Variants in ARHGAP6 observed in about 807,000 individuals in gnomAD.
The protein encoded by ARHGAP6 is Rho GTPase activating protein 6.
Under a neutral mutation model 55.7 loss-of-function variants are expected in ARHGAP6, and 16 were observed. That is an observed-to-expected ratio of 0.29 (90% CI 0.19 to 0.44). ARHGAP6 has a LOEUF of 0.44. Ranked by LOEUF, ARHGAP6 falls within the 20% of genes least tolerant of loss-of-function variation. ARHGAP6 has a pLI of 1.00. For synonymous variants in ARHGAP6, 382 were observed against 360.9 expected (o/e 1.06, Z -0.66); for missense variants, 698 against 808.9 (o/e 0.86, Z 1.66).
At position 11,138,145 on chromosome X, in the gene ARHGAP6, A is replaced by G. The variant is rs2045570712; in HGVS notation, c.*718T>C. 8.9e-6 allele frequency: 1 copy of G among 112,483 alleles called. No homozygotes were observed. The highest frequency in any genetic ancestry group is 3.2e-5 in the African/African-American group (1 of 30,893). 9.3% of individuals were successfully genotyped at this position (112,483 alleles called of 1,213,427 possible). Reference sequence around the variant, plus strand: ...GGCACTGCCTTTTTCTTGTTTGGTTAACTGAATCCTTTCTAAACAAGTTCT... The same window carrying G: ...GGCACTGCCTTTTTCTTGTTTGGTTGACTGAATCCTTTCTAAACAAGTTCT... On this transcript the variant is annotated 3_prime_UTR_variant, in exon 13 of 13. Transcript: ENST00000337414.
intron 2 of ARHGAP6, among the ~76,000 whole-genome samples, chrX:11,239,765 C>A (rs2047249336): frequency 9.0e-6 from 1 of 111,712 alleles, no homozygotes; most frequent in South Asian, 3.7e-4. Context: ...TTCTGTAAAC[C>A]AAAATATTGT....
intron 1 of ARHGAP6, among the ~76,000 whole-genome samples, chrX:11,320,192 T>C (rs1481821556): frequency 8.9e-6 from 1 of 111,739 alleles, no homozygotes; most frequent in African/African-American, 3.3e-5. Flanking sequence ...TGTTAGCTCA[T>C]GACTGCAGCA....
chrX:11,143,766 T>A, intron 11 of ARHGAP6: 1 of 1,140,986 alleles, frequency 8.8e-7, no homozygotes, highest in Non-Finnish European at 1.2e-6. Context: ...GAGTGTGGCC[T>A]GCAGGGACCC....
chrX:11,208,100 C>T (rs1382138804), intron 2 of ARHGAP6, among the ~76,000 whole-genome samples: 1 of 111,733 alleles, frequency 8.9e-6, no homozygotes, highest in Non-Finnish European at 1.9e-5. Context: ...TCCATTTACC[C>T]TTTCATTAAG....
chrX:11,215,786 G>C (rs1324474138), intron 2 of ARHGAP6, among the ~76,000 whole-genome samples: 1 of 112,606 alleles, frequency 8.9e-6, no homozygotes, highest in Non-Finnish European at 1.9e-5. Flanking sequence ...GGGACGGTTT[G>C]TCTGCTCTCT....
intron 2 of ARHGAP6, among the ~76,000 whole-genome samples, chrX:11,209,230 C>T (rs1052598849): frequency 8.9e-6 from 1 of 112,350 alleles, no homozygotes; most frequent in African/African-American, 3.2e-5. Context: ...CAACCTCTGC[C>T]TCCTGGGTTC....
In ARHGAP6 at chrX:11,137,782, G is replaced by A. The variant is rs2147260298; in HGVS notation, c.*1081C>T. The A allele has an allele frequency of 8.9e-6, 1 of 112,359 alleles. No homozygotes were observed. The highest frequency in any genetic ancestry group is 2.8e-4 in the East Asian group (1 of 3,609). 9.3% of individuals were successfully genotyped at this position (112,359 alleles called of 1,213,427 possible). A position where few individuals can be genotyped will look rare whatever the true frequency, so the allele number is the denominator to read the frequency against. ...AAAAACTTCAAACTACTAAAGTACG[G>A]TAGAACATTTTACAATACACATAAA... is the stretch of plus-strand genomic sequence containing the variant. On this transcript the variant is annotated 3_prime_UTR_variant, in exon 13 of 13. Coordinates refer to ENST00000337414, the MANE Select transcript of ARHGAP6 (RefSeq NM_013427.3).
In ARHGAP6 at chrX:11,381,540, T is replaced by C. The variant is rs79728879; in HGVS notation, c.589-126833A>G. On this transcript the variant is annotated intron_variant, in intron 1 of 12. Transcript: ENST00000337414. ...ACAAAAGTAACCAAGGGGGCTGAGA[T>C]AAAAATCTCAGGCAACACTGGTGAA... 5.6e-4 allele frequency among the ~76,000 whole-genome samples: 63 copies of C among 111,921 alleles called. 1 individual carries two copies. In the East Asian group the frequency reaches 0.017, roughly 31 times the overall value.
rs1457683456 is a variant in ARHGAP6 at position 11,285,795 on chromosome X, TGAAAA to T, written c.589-31093_589-31089del. On this transcript the variant is annotated intron_variant, in intron 1 of 12. Coordinates refer to ENST00000337414, the MANE Select transcript of ARHGAP6 (RefSeq NM_013427.3). ...ACAGCTTCCTTCACTTACACAATTCTGAAAAGAAAAGAGGTCACACTTATATTTTC... is the reference window on the plus strand; with the variant it reads ...ACAGCTTCCTTCACTTACACAATTCTGAAAAGAGGTCACACTTATATTTTC... Among the ~76,000 whole-genome samples the T allele has an allele frequency of 2.7e-5, 3 of 112,453 alleles. No homozygotes were observed. In the South Asian group the frequency reaches 1.1e-3, roughly 41 times the overall value.
intron 1 of ARHGAP6, among the ~76,000 whole-genome samples, chrX:11,450,870 C>T (rs2050137618): frequency 9.0e-6 from 1 of 111,510 alleles, no homozygotes; most frequent in Admixed American, 9.5e-5. Context: ...TGTCTCCAGG[C>T]ATTATCAAAT....
chrX:11,383,608 T>A (rs1299440965), intron 1 of ARHGAP6, among the ~76,000 whole-genome samples: 4 of 111,319 alleles, frequency 3.6e-5, no homozygotes, highest in African/African-American at 1.3e-4. Flanking sequence ...CCTAAATCTA[T>A]AGTCTCAGGT....
chrX:11,266,690 G>A (rs2047631857), intron 1 of ARHGAP6, among the ~76,000 whole-genome samples: 1 of 111,674 alleles, frequency 9.0e-6, no homozygotes, highest in Non-Finnish European at 1.9e-5. Context: ...ATTCCACATG[G>A]CACTGAACCA....
chrX:11,240,623 T>C (rs1474267773), intron 2 of ARHGAP6, among the ~76,000 whole-genome samples: 2 of 111,636 alleles, frequency 1.8e-5, no homozygotes, highest in Non-Finnish European at 3.8e-5. Context: ...CATCCACCCA[T>C]CCACCCTTTG....
chrX:11,355,625 A>C (rs949884361), intron 1 of ARHGAP6, among the ~76,000 whole-genome samples: 1 of 112,222 alleles, frequency 8.9e-6, no homozygotes, highest in African/African-American at 3.2e-5. Flanking sequence ...GGGGATTCTT[A>C]ATACTTAAAG....
chrX:11,277,227 C>G (rs183014626), intron 1 of ARHGAP6, among the ~76,000 whole-genome samples: 7 of 111,927 alleles, frequency 6.3e-5, no homozygotes, highest in Admixed American at 2.8e-4. Context: ...ATTCTTATGG[C>G]AGGATAATAT....
intron 1 of ARHGAP6, among the ~76,000 whole-genome samples, chrX:11,467,568 G>A (rs1205089159): frequency 9.0e-6 from 1 of 111,610 alleles, no homozygotes; most frequent in Non-Finnish European, 1.9e-5. Flanking sequence ...AAAGCAACAA[G>A]GAGCAATGGA....
intron 1 of ARHGAP6, among the ~76,000 whole-genome samples, chrX:11,338,083 G>C (rs1158573546): frequency 9.0e-6 from 1 of 111,023 alleles, no homozygotes; most frequent in Non-Finnish European, 1.9e-5. Context: ...ACAGCACCAA[G>C]CCATTTATGA....
At chrX:11,327,616 ACTC>A (rs959568622) in intron 1 of ARHGAP6, among the ~76,000 whole-genome samples, 8 of 111,079 alleles carry the variant, frequency 7.2e-5, no homozygotes, top group African/African-American at 2.6e-4. Context: ...AAAAAATGTC[ACTC>A]CTCCTAAACA....
intron 1 of ARHGAP6, among the ~76,000 whole-genome samples, chrX:11,653,803 C>T (rs1488408003): frequency 9.0e-6 from 1 of 111,582 alleles, no homozygotes; most frequent in Non-Finnish European, 1.9e-5. Context: ...CTAGCTGAAC[C>T]GATTCACTTC....
Sources: allele counts gnomAD v4.1 joint callset (sites outside exome capture counted in the v4.1 genomes callset), GRCh38; gene constraint gnomAD v4.1.1; transcripts MANE v1.5; gene names NCBI Gene and HGNC (gene_info 2026-07-23, HGNC 2026-07-21).